DLGAP2: variants seen among roughly 807,000 people sequenced by gnomAD.
The protein encoded by DLGAP2 is DLG associated protein 2.
Under a neutral mutation model 100.3 loss-of-function variants are expected in DLGAP2, and 26 were observed. The ratio of observed to expected loss-of-function variants is 0.26; its 90% CI spans 0.19 to 0.36. The LOEUF is 0.36. Among genes scored for constraint, DLGAP2 ranks in the 10% least tolerant of loss-of-function variants. DLGAP2 has a pLI of 1.00. For missense variants in DLGAP2, 1,858 were observed against 1,453.2 expected (o/e 1.28, Z -4.53); for synonymous variants, 886 against 630.1 (o/e 1.41, Z -6.08).
intron 2 of DLGAP2, among the ~76,000 whole-genome samples, chr8:1,171,215 G>C (rs1046821869): frequency 6.6e-5 from 10 of 152,140 alleles, no homozygotes; most frequent in Non-Finnish European, 1.0e-4. Context: ...TTAATCCTGA[G>C]TTCTAGTTTG....
chr8:1,589,583 C>T (rs1469959544), intron 6 of DLGAP2, among the ~76,000 whole-genome samples: 3 of 152,184 alleles, frequency 2.0e-5, no homozygotes, highest in Non-Finnish European at 4.4e-5. Flanking sequence ...TACAGGCTTG[C>T]GCCACCATGC....
intron 3 of DLGAP2, among the ~76,000 whole-genome samples, chr8:1,422,302 A>G (rs532677666): frequency 6.6e-6 from 1 of 152,172 alleles, no homozygotes; most frequent in African/African-American, 2.4e-5. Context: ...AGTTTTCACA[A>G]TAGGGAAGAA....
In DLGAP2 at chr8:848,388, G is replaced by C. The variant is rs549339628; in HGVS notation, c.19-59524G>C. 1.9e-3 allele frequency among the ~76,000 whole-genome samples: 220 copies of C among 114,732 alleles called. 1 individual carries two copies. Among genetic ancestry groups the C allele is most frequent in the African/African-American group, 6.4e-3 (198 of 31,060 alleles). The allele number at this position is 114,732 out of a possible 152,430, so 75.3% of individuals were successfully genotyped here. A position where few individuals can be genotyped will look rare whatever the true frequency, so the allele number is the denominator to read the frequency against. Reference sequence around the variant, plus strand: ...GTTCCAGTGTAGGGTCGTGCGGTGCGTGTTCCAGTGTAGGGTCGTGCGGTG... The same window carrying C: ...GTTCCAGTGTAGGGTCGTGCGGTGCCTGTTCCAGTGTAGGGTCGTGCGGTG... On this transcript the variant is annotated intron_variant, in intron 1 of 14. Coordinates refer to ENST00000637795, the MANE Select transcript of DLGAP2 (RefSeq NM_001346810.2).
chr8:1,366,528 C>G (rs1006594470), intron 3 of DLGAP2, among the ~76,000 whole-genome samples: 1 of 152,168 alleles, frequency 6.6e-6, no homozygotes, highest in Admixed American at 6.5e-5. Flanking sequence ...TGGGGATGTT[C>G]AGCGGCTGAC....
At chr8:1,647,949 C>T (rs1306630603) in intron 8 of DLGAP2, among the ~76,000 whole-genome samples, 5 of 152,104 alleles carry the variant, frequency 3.3e-5, no homozygotes, top group Admixed American at 1.3e-4. Flanking sequence ...TATAAAGGCA[C>T]GAATCCCTCA....
chr8:1,182,122 G>A (rs1227714685), intron 2 of DLGAP2, among the ~76,000 whole-genome samples: 5 of 152,232 alleles, frequency 3.3e-5, no homozygotes, highest in South Asian at 2.1e-4. Flanking sequence ...CGTCTCCTCC[G>A]TGTTCTGTTC....
intron 2 of DLGAP2, among the ~76,000 whole-genome samples, chr8:964,806 A>C (rs1296137856): frequency 6.6e-6 from 1 of 152,202 alleles, no homozygotes; most frequent in African/African-American, 2.4e-5. Flanking sequence ...ATTCTACTGG[A>C]AGCCCTTCCA....
intron 3 of DLGAP2, among the ~76,000 whole-genome samples, chr8:1,282,854 C>T (rs1236272691): frequency 3.2e-5 from 3 of 94,396 alleles, no homozygotes; most frequent in Non-Finnish European, 5.9e-5. Context: ...AGCATCCGGA[C>T]GTGGTGTGAC....
Position 1,070,526 on chromosome 8 carries a change from A to T in DLGAP2, c.73+162560A>T, listed in dbSNP as rs77286319. Among the ~76,000 whole-genome samples the T allele has an allele frequency of 8.7e-3, 1,331 of 152,298 alleles. 8 individuals carry two copies. The highest frequency in any genetic ancestry group is 0.012 in the Non-Finnish European group (834 of 68,028). The stretch of plus-strand genomic sequence containing the variant: ...TCAAATCCGTGTCCTTAGGCTCTGA[A>T]ATATCTCACAGGTGAGGGGCGATTT... On this transcript the variant is annotated intron_variant, in intron 2 of 14. Transcript: ENST00000637795.
intron 3 of DLGAP2, among the ~76,000 whole-genome samples, chr8:1,377,421 A>G (rs1225868332): frequency 6.6e-6 from 1 of 152,242 alleles, no homozygotes; most frequent in African/African-American, 2.4e-5. Flanking sequence ...GCAGGCGCCT[A>G]TAGTCGCAGC....
intron 3 of DLGAP2, among the ~76,000 whole-genome samples, chr8:1,268,671 G>A (rs754855567): frequency 6.6e-6 from 1 of 152,162 alleles, no homozygotes; most frequent in Non-Finnish European, 1.5e-5. Flanking sequence ...AAGATGTTGG[G>A]TGGTTATTAG....
At chr8:1,287,088 G>C (rs1799937298) in intron 3 of DLGAP2, among the ~76,000 whole-genome samples, 1 of 152,296 alleles carries the variant, frequency 6.6e-6, no homozygotes, top group African/African-American at 2.4e-5. Flanking sequence ...TTTCGGTTCA[G>C]TATGTGTGTG....
chr8:873,741 AG>A (rs758032998), intron 1 of DLGAP2, among the ~76,000 whole-genome samples: 9 of 152,164 alleles, frequency 5.9e-5, no homozygotes, highest in Non-Finnish European at 7.3e-5. Context: ...GAATTTATGA[AG>A]CATTGTTATT....
At chr8:1,651,002 TACC>T (rs1445608451) in intron 8 of DLGAP2, among the ~76,000 whole-genome samples, 1 of 152,182 alleles carries the variant, frequency 6.6e-6, no homozygotes, top group African/African-American at 2.4e-5. Context: ...CTCCAGCATC[TACC>T]ACCAAGAAAA....
At chr8:1,191,308 C>T (rs541074949) in intron 2 of DLGAP2, among the ~76,000 whole-genome samples, 3 of 151,622 alleles carry the variant, frequency 2.0e-5, no homozygotes, top group South Asian at 4.2e-4. Context: ...GTAGCTGGGA[C>T]TACAGGCACC....
At chr8:1,094,595 C>G (rs1563188265) in intron 2 of DLGAP2, among the ~76,000 whole-genome samples, 1 of 152,238 alleles carries the variant, frequency 6.6e-6, no homozygotes, top group Non-Finnish European at 1.5e-5. Context: ...CAGCGACGAG[C>G]TGCAGCTTGA....
At chr8:1,439,308 G>A (rs923958427) in intron 3 of DLGAP2, among the ~76,000 whole-genome samples, 1 of 152,186 alleles carries the variant, frequency 6.6e-6, no homozygotes, top group Non-Finnish European at 1.5e-5. Context: ...GGCTGTGGGG[G>A]TTTTAGGAGG....
intron 2 of DLGAP2, among the ~76,000 whole-genome samples, chr8:935,963 T>C (rs1390628163): frequency 6.6e-6 from 1 of 152,208 alleles, no homozygotes; most frequent in African/African-American, 2.4e-5. Context: ...TGATTGTTTC[T>C]AGGAAACTGG....
intron 3 of DLGAP2, among the ~76,000 whole-genome samples, chr8:1,449,820 G>A (rs1350198355): frequency 6.8e-5 from 10 of 146,742 alleles, no homozygotes; most frequent in African/African-American, 2.5e-4. Flanking sequence ...CGAGGTGGGC[G>A]GCCTCGGTGG....
Sources: allele counts gnomAD v4.1 joint callset (sites outside exome capture counted in the v4.1 genomes callset), GRCh38; gene constraint gnomAD v4.1.1; transcripts MANE v1.5; gene names NCBI Gene and HGNC (gene_info 2026-07-23, HGNC 2026-07-21).